Variants in SYCP1 observed in about 807,000 individuals in gnomAD.
The protein encoded by SYCP1 is synaptonemal complex protein 1.
In SYCP1, 64 loss-of-function variants were observed where a neutral mutation model predicts 153.1. The observed-to-expected ratio is 0.42, with a 90% CI of 0.34 to 0.51. The LOEUF (loss-of-function observed/expected upper bound fraction) is 0.51. Ranked by LOEUF, SYCP1 falls within the 20% of genes least tolerant of loss-of-function variation. The probability of loss-of-function intolerance (pLI) is 0.06; values close to 1 mark genes in which losing one functional copy is unlikely to be tolerated. For missense variants in SYCP1, 997 were observed against 1,049.0 expected (o/e 0.95, Z 0.68); for synonymous variants, 384 against 341.8 (o/e 1.12, Z -1.36).
intron 10 of SYCP1, 89 bp downstream of exon 10, chr1:114,876,227 C>A (rs1288650451): frequency 1.8e-5 from 14 of 792,558 alleles, no homozygotes; most frequent in Non-Finnish European, 2.6e-5. Context: ...ATCTCTTTAG[C>A]CTGATGCTCT....
At chr1:114,885,979 GGT>G in intron 13 of SYCP1, 144 bp from the exon 14 acceptor site, 1 of 535,434 alleles carries the variant, frequency 1.9e-6, no homozygotes, top group Non-Finnish European at 3.2e-6. Context: ...AAGAGTAGTG[GGT>G]GGGCATTCCA....
intron 27 of SYCP1, among the ~76,000 whole-genome samples, chr1:114,975,937 T>C (rs1489084954): frequency 1.3e-5 from 2 of 151,730 alleles, no homozygotes; most frequent in Non-Finnish European, 3.0e-5. Context: ...AACTATATTC[T>C]TAGAATCTAA....
chr1:114,876,185 T>C lies in SYCP1; in HGVS notation c.727+47T>C, dbSNP rs771492673. The C allele has an allele frequency of 5.3e-6, 7 of 1,315,468 alleles. No individual in the cohort carries two copies. In the South Asian group the frequency reaches 1.1e-4, roughly 21 times the overall value. The allele number at this position is 1,315,468 out of a possible 1,614,324, so 81.5% of individuals were successfully genotyped here. A position where few individuals can be genotyped will look rare whatever the true frequency, so the allele number is the denominator to read the frequency against. ...AATTTTTATATTACTGTTTTGCTATTTATATTTTTATCAGATTCCGTTAAT... is the reference window on the plus strand; with the variant it reads ...AATTTTTATATTACTGTTTTGCTATCTATATTTTTATCAGATTCCGTTAAT... On this transcript the variant is annotated intron_variant, in intron 10 of 31. Transcript: ENST00000369522.
intron 18 of SYCP1, 24 bp from the exon 19 acceptor site, chr1:114,913,009 A>G (rs919369351): frequency 4.0e-6 from 6 of 1,508,214 alleles, no homozygotes; most frequent in African/African-American, 2.8e-5. Context: ...ATATTTTGGT[A>G]TGACTTTTTT....
At position 114,858,030 on chromosome 1, in the gene SYCP1, G is replaced by T. The variant is rs1256003043; in HGVS notation, c.292-517G>T. ...AAAAAGTTGTCAACCAGCAAAAATT[G>T]ATGTGACTAAAAATCTCTGATATTT... On this transcript the variant is annotated intron_variant, in intron 5 of 31. Coordinates refer to ENST00000369522, the MANE Select transcript of SYCP1 (RefSeq NM_003176.4). 2.6e-5 allele frequency among the ~76,000 whole-genome samples: 4 copies of T among 151,922 alleles called. No individual in the cohort carries two copies. The East Asian group carries it at 7.7e-4, about 29-fold the overall frequency.
chr1:114,858,461 T>C, intron 5 of SYCP1, 86 bp from the exon 6 acceptor site: 1 of 1,122,968 alleles, frequency 8.9e-7, no homozygotes, highest in Middle Eastern at 3.1e-4. Context: ...TCTCAACTAT[T>C]AGTATATGGA....
intron 21 of SYCP1, 99 bp from the exon 22 acceptor site, chr1:114,926,179 C>A (rs1570785334): frequency 1.1e-6 from 1 of 880,088 alleles, no homozygotes; most frequent in Non-Finnish European, 1.5e-6. Context: ...TTTGAAGTGA[C>A]CTTTATCAGT....
At chr1:114,948,246 C>G (rs756443116) in intron 27 of SYCP1, among the ~76,000 whole-genome samples, 27 of 151,882 alleles carry the variant, frequency 1.8e-4, no homozygotes, top group Non-Finnish European at 3.7e-4. Context: ...TTTTTGGTTT[C>G]TATGAGATGG....
intron 30 of SYCP1, among the ~76,000 whole-genome samples, chr1:114,991,602 A>C (rs955830527): frequency 1.3e-5 from 2 of 151,808 alleles, no homozygotes; most frequent in Non-Finnish European, 1.5e-5. Context: ...AAAATCCAAC[A>C]TGCTTCATGG....
chr1:114,984,093 A>G (rs972794107), intron 29 of SYCP1, among the ~76,000 whole-genome samples: 2 of 151,794 alleles, frequency 1.3e-5, no homozygotes, highest in Non-Finnish European at 2.9e-5. Context: ...AAAATTTTAG[A>G]GTTGGGGTCT....
chr1:114,945,636 T>A (rs1670659318), intron 25 of SYCP1, among the ~76,000 whole-genome samples: 1 of 152,124 alleles, frequency 6.6e-6, no homozygotes, highest in Non-Finnish European at 1.5e-5. Flanking sequence ...GCAGCATCTG[T>A]CCTTATTGAT....
intron 30 of SYCP1, among the ~76,000 whole-genome samples, chr1:114,992,308 T>C (rs938511291): frequency 6.6e-6 from 1 of 151,606 alleles, no homozygotes; most frequent in Non-Finnish European, 1.5e-5. Flanking sequence ...CTCAAATTAA[T>C]GTGGAATTGC....
chr1:114,880,434 T>C (rs914177412), intron 12 of SYCP1, among the ~76,000 whole-genome samples: 1 of 152,246 alleles, frequency 6.6e-6, no homozygotes, highest in Non-Finnish European at 1.5e-5. Context: ...CTGTGCATTG[T>C]AATAAGAAAA....
upstream of SYCP1, among the ~76,000 whole-genome samples, chr1:114,854,551 A>AT (rs1465388645): frequency 6.6e-6 from 1 of 152,190 alleles, no homozygotes; most frequent in African/African-American, 2.4e-5. Context: ...CTACGTCCTT[A>AT]TCATAGGAAT....
In SYCP1 at chr1:114,887,689, G is replaced by A. The variant is rs539063525; in HGVS notation, c.1254G>A (p.Glu418=). 17 of 1,542,998 alleles carry A rather than the reference G, an allele frequency of 1.1e-5. No individual in the cohort carries two copies. In the African/African-American group the frequency reaches 1.9e-4, roughly 17 times the overall value. ...LTMELQKKSS[E]LEEMTKLTNN... ...TGGAGCTTCAAAAGAAATCAAGTGA[G>A]CTGGGTAAGACTTAGAGAATAATGT... Residue 418 remains glutamate (E), a synonymous_variant, in exon 15 of 32, where the codon GAG becomes GAA. Coordinates refer to ENST00000369522, the MANE Select transcript of SYCP1 (RefSeq NM_003176.4).
chr1:114,872,459 G>C (rs898949845), intron 8 of SYCP1, among the ~76,000 whole-genome samples: 7 of 151,904 alleles, frequency 4.6e-5, no homozygotes, highest in African/African-American at 1.7e-4. Context: ...TTTTCCTCTA[G>C]CTTTATCTTT....
chr1:114,954,642 G>T (rs369629458), intron 27 of SYCP1, among the ~76,000 whole-genome samples: 1 of 151,500 alleles, frequency 6.6e-6, no homozygotes, highest in African/African-American at 2.4e-5. Context: ...GTGCAGTGGC[G>T]TGATCTCGGC....
intron 27 of SYCP1, among the ~76,000 whole-genome samples, chr1:114,973,885 TA>T (rs1430183203): frequency 6.6e-6 from 1 of 151,982 alleles, no homozygotes; most frequent in Non-Finnish European, 1.5e-5. Context: ...GTTCTATTAC[TA>T]TTATCTTTCT....
chr1:114,946,124 AT>A (rs1354821100), intron 25 of SYCP1, among the ~76,000 whole-genome samples, 164 bp from the exon 26 acceptor site: 2 of 152,086 alleles, frequency 1.3e-5, no homozygotes, highest in Non-Finnish European at 2.9e-5. Context: ...AACATTAAAA[AT>A]ATATACCCAT....
Sources: allele counts gnomAD v4.1 joint callset (sites outside exome capture counted in the v4.1 genomes callset), GRCh38; gene constraint gnomAD v4.1.1; transcripts MANE v1.5; gene names NCBI Gene and HGNC (gene_info 2026-07-23, HGNC 2026-07-21).